The following SUGCT variants were observed in gnomAD, a reference collection of about 807,000 sequenced individuals.
The protein encoded by SUGCT is succinyl-CoA:glutarate CoA-transferase.
Under a neutral mutation model 55.0 loss-of-function variants are expected in SUGCT, and 41 were observed. The observed-to-expected ratio is 0.74, with a 90% confidence interval of 0.58 to 0.97. SUGCT has a LOEUF of 0.97. Among genes scored for constraint, SUGCT ranks in the 50% least tolerant of loss-of-function variants. The pLI is 0.00. For missense variants in SUGCT, 568 were observed against 547.8 expected (o/e 1.04, Z -0.37); for synonymous variants, 187 against 200.4 (o/e 0.93, Z 0.56).
Position 40,333,827 on chromosome 7 carries a change from T to C in SUGCT, c.816+16972T>C, listed in dbSNP as rs531957734. Among the ~76,000 whole-genome samples, 3 of 150,350 alleles carry C rather than the reference T, an allele frequency of 2.0e-5. No individual in the cohort carries two copies. The South Asian group carries it at 6.4e-4, about 32-fold the overall frequency. ...TGCAGGTTTGTTACATATGTATACA[T>C]GTGCCATGGTGGTGTGCTGCACCCA... On this transcript the variant is annotated intron_variant, in intron 9 of 13. Transcript: ENST00000335693.
At chr7:40,451,338 C>T (rs531752210) in intron 10 of SUGCT, among the ~76,000 whole-genome samples, 2 of 152,278 alleles carry the variant, frequency 1.3e-5, no homozygotes, top group South Asian at 4.1e-4. Flanking sequence ...TGATTCATTA[C>T]TGCCGATCAA....
At chr7:40,310,906 T>C (rs900671153) in intron 8 of SUGCT, among the ~76,000 whole-genome samples, 2 of 152,220 alleles carry the variant, frequency 1.3e-5, no homozygotes, top group East Asian at 3.9e-4. Context: ...TTGATATTAT[T>C]TCCGATTTCT....
intron 13 of SUGCT, among the ~76,000 whole-genome samples, chr7:40,801,430 G>A (rs1291576477): frequency 6.6e-6 from 1 of 152,146 alleles, no homozygotes; most frequent in Non-Finnish European, 1.5e-5. Flanking sequence ...AGGATAGAGA[G>A]AAAATGTTAC....
At chr7:40,890,311 T>TAATA in the SUGCT span, among the ~76,000 whole-genome samples, 3 of 127,494 alleles carry the variant, frequency 2.4e-5, no homozygotes, top group Admixed American at 8.0e-5. Flanking sequence ...AATTAAATAT[T>TAATA]TATGTTATAT....
intron 7 of SUGCT, 53 bp downstream of exon 7, chr7:40,237,779 A>G (rs1167317801): frequency 4.7e-6 from 7 of 1,476,754 alleles, no homozygotes; most frequent in Non-Finnish European, 6.6e-6. Context: ...ATATTCCAAA[A>G]GGATTTTACT....
chr7:40,280,105 A>G (rs1792854219), intron 8 of SUGCT, among the ~76,000 whole-genome samples: 1 of 152,240 alleles, frequency 6.6e-6, no homozygotes, highest in African/African-American at 2.4e-5. Context: ...TGATTGGAAT[A>G]GTAGCTAATT....
intron 12 of SUGCT, among the ~76,000 whole-genome samples, chr7:40,641,495 G>A (rs1372579688): frequency 1.3e-5 from 2 of 152,142 alleles, no homozygotes; most frequent in African/African-American, 4.8e-5. Context: ...GGTGGGGTTG[G>A]ATAATTGAAT....
intron 12 of SUGCT, among the ~76,000 whole-genome samples, chr7:40,532,552 G>A (rs1480854278): frequency 6.6e-6 from 1 of 151,740 alleles, no homozygotes; most frequent in African/African-American, 2.4e-5. Context: ...GTGTGTGTGT[G>A]TGTGTGTGTG....
chr7:40,153,107 C>A, intron 1 of SUGCT: 1 of 199,926 alleles, frequency 5.0e-6, no homozygotes, highest in Non-Finnish European at 1.0e-5. Context: ...ACAAGAAGTC[C>A]AAACAGATGA....
intron 6 of SUGCT, among the ~76,000 whole-genome samples, chr7:40,232,569 ATAAT>A (rs900266804): frequency 9.9e-5 from 15 of 152,214 alleles, no homozygotes; most frequent in African/African-American, 3.6e-4. Flanking sequence ...AAAGTCAGAC[ATAAT>A]TAAGAAGAAA....
At chr7:40,534,874 T>G (rs934910652) in intron 12 of SUGCT, among the ~76,000 whole-genome samples, 7 of 152,234 alleles carry the variant, frequency 4.6e-5, no homozygotes, top group Non-Finnish European at 1.0e-4. Context: ...TGTCTTAACA[T>G]ATGTTTATAA....
At chr7:41,034,232 C>T in the SUGCT span, among the ~76,000 whole-genome samples, 3 of 152,090 alleles carry the variant, frequency 2.0e-5, no homozygotes, top group African/African-American at 7.2e-5. Context: ...TTCAGCAGTG[C>T]GTGCGTATGT....
intron 12 of SUGCT, among the ~76,000 whole-genome samples, chr7:40,551,320 C>G (rs529780304): frequency 1.3e-5 from 2 of 152,080 alleles, no homozygotes; most frequent in Non-Finnish European, 2.9e-5. Flanking sequence ...ATTTATTTTC[C>G]TTAGGGATAT....
intron 8 of SUGCT, among the ~76,000 whole-genome samples, chr7:40,307,254 A>G (rs1300283748): frequency 6.6e-6 from 1 of 152,248 alleles, no homozygotes; most frequent in Non-Finnish European, 1.5e-5. Flanking sequence ...CCATATTTGC[A>G]GCAAAGCAGA....
chr7:40,988,310 G>A, the SUGCT span, among the ~76,000 whole-genome samples: 1 of 150,396 alleles, frequency 6.6e-6, no homozygotes, highest in African/African-American at 2.5e-5. Context: ...TTGGTGGGTG[G>A]AGATAAGACC....
intron 12 of SUGCT, among the ~76,000 whole-genome samples, chr7:40,540,467 A>C (rs557496933): frequency 6.6e-6 from 1 of 152,348 alleles, no homozygotes; most frequent in East Asian, 1.9e-4. Flanking sequence ...TATGATACAC[A>C]TCAAGGAAGT....
intron 9 of SUGCT, among the ~76,000 whole-genome samples, chr7:40,428,921 T>A (rs908773957): frequency 6.6e-6 from 1 of 152,234 alleles, no homozygotes; most frequent in Non-Finnish European, 1.5e-5. Flanking sequence ...ATACCTCTTG[T>A]AACGCAGGTC....
At chr7:40,829,960 A>G (rs1327725447) in intron 13 of SUGCT, among the ~76,000 whole-genome samples, 1 of 152,184 alleles carries the variant, frequency 6.6e-6, no homozygotes, top group African/African-American at 2.4e-5. Flanking sequence ...CTCCCCCAGT[A>G]TTCTCCCATT....
chr7:40,236,290 G>A lies in SUGCT; in HGVS notation c.485-1345G>A, dbSNP rs372887098. Among the ~76,000 whole-genome samples the A allele has an allele frequency of 9.2e-4, 140 of 151,606 alleles. 4 individuals carry two copies. The South Asian group carries it at 0.027, about 29-fold the overall frequency. On this transcript the variant is annotated intron_variant, in intron 6 of 13. Coordinates refer to ENST00000335693, the MANE Select transcript of SUGCT (RefSeq NM_001193313.2). ...CCAGGCTGGTCTTGAACTCTTGACCGCAGGTGATCCTCCCGCCTCCCAAAG... is the reference window on the plus strand; with the variant it reads ...CCAGGCTGGTCTTGAACTCTTGACCACAGGTGATCCTCCCGCCTCCCAAAG...
Sources: allele counts gnomAD v4.1 joint callset (sites outside exome capture counted in the v4.1 genomes callset), GRCh38; gene constraint gnomAD v4.1.1; transcripts MANE v1.5; gene names NCBI Gene and HGNC (gene_info 2026-07-23, HGNC 2026-07-21).